DDAH1: variants seen among roughly 807,000 people sequenced by gnomAD.
DDAH1 encodes dimethylarginine dimethylaminohydrolase 1.
In DDAH1, 19 loss-of-function variants were observed where a neutral mutation model predicts 28.8. The observed-to-expected ratio is 0.66, with a 90% CI of 0.46 to 0.97. DDAH1 has a LOEUF of 0.97. Among genes scored for constraint, DDAH1 ranks in the 50% least tolerant of loss-of-function variants. The pLI is 0.00. For missense variants in DDAH1, 326 were observed against 375.9 expected (o/e 0.87, Z 1.10); for synonymous variants, 153 against 154.4 (o/e 0.99, Z 0.07).
At chr1:85,321,768 A>G (rs1393687180) in intron 5 of DDAH1, among the ~76,000 whole-genome samples, 200 bp from the exon 6 acceptor site, 1 of 152,156 alleles carries the variant, frequency 6.6e-6, no homozygotes, top group African/African-American at 2.4e-5. Flanking sequence ...CCTGTGCTTT[A>G]ACCTCAAGGC....
intron 1 of DDAH1, among the ~76,000 whole-genome samples, chr1:85,500,865 A>T (rs1656795379): frequency 6.7e-6 from 1 of 149,258 alleles, no homozygotes; most frequent in African/African-American, 2.5e-5. Flanking sequence ...AAGCTCATTT[A>T]GGGATTTTTT....
chr1:85,318,768 A>T lies in DDAH1; in HGVS notation c.*2684T>A. ...GACATGCAACTCTTTACCTTACATT[A>T]TTCATCTACAGACTATTTTTCTCCC... is the stretch of plus-strand genomic sequence containing the variant. On this transcript the variant is annotated 3_prime_UTR_variant, in exon 6 of 6. Transcript: ENST00000284031. 6.5e-6 allele frequency: 1 copy of T among 152,772 alleles called. No individual in the cohort carries two copies. The highest frequency in any genetic ancestry group is 1.5e-5 in the Non-Finnish European group (1 of 68,044). The allele number at this position is 152,772 out of a possible 1,614,324, so 9.5% of individuals were successfully genotyped here.
At chr1:85,331,128 C>T (rs1184919200) in intron 4 of DDAH1, among the ~76,000 whole-genome samples, 1 of 152,194 alleles carries the variant, frequency 6.6e-6, no homozygotes, top group Non-Finnish European at 1.5e-5. Flanking sequence ...CCAAGAGAAT[C>T]TGCATGGCAA....
chr1:85,321,405 G>C lies in DDAH1; in HGVS notation c.*47C>G, dbSNP rs776771057. On this transcript the variant is annotated 3_prime_UTR_variant, in exon 6 of 6. Coordinates refer to ENST00000284031, the MANE Select transcript of DDAH1 (RefSeq NM_012137.4). ...CAACAGGAGTGGGCACAGAGTCATCGGCCTTGCCTGTGCGGTCTTGCCGGC... is the reference window on the plus strand; with the variant it reads ...CAACAGGAGTGGGCACAGAGTCATCCGCCTTGCCTGTGCGGTCTTGCCGGC... 8.3e-7 allele frequency: 1 copy of C among 1,207,406 alleles called. No individual in the cohort carries two copies. The highest frequency in any genetic ancestry group is 1.2e-6 in the Non-Finnish European group (1 of 810,034). 74.8% of individuals were successfully genotyped at this position (1,207,406 alleles called of 1,614,324 possible).
At chr1:85,421,031 AAG>A (rs1317632671) in intron 1 of DDAH1, among the ~76,000 whole-genome samples, 1 of 152,064 alleles carries the variant, frequency 6.6e-6, no homozygotes, top group East Asian at 1.9e-4. Flanking sequence ...GAAGGAGCAA[AAG>A]AGAGGGAGGG....
At chr1:85,576,816 G>A (rs1051585453) in intron 1 of DDAH1, 1 of 152,660 alleles carries the variant, frequency 6.6e-6, no homozygotes, top group Non-Finnish European at 1.5e-5. Flanking sequence ...GGTGAGGACT[G>A]GGGCCAAACT....
chr1:85,404,749 C>T (rs777992909), intron 1 of DDAH1, among the ~76,000 whole-genome samples: 7 of 152,186 alleles, frequency 4.6e-5, no homozygotes, highest in Non-Finnish European at 7.3e-5. Flanking sequence ...GTCTTTCTCT[C>T]TCTCTCTCAA....
intron 1 of DDAH1, among the ~76,000 whole-genome samples, chr1:85,554,341 A>G (rs975944946): frequency 7.1e-6 from 1 of 140,356 alleles, no homozygotes; most frequent in Non-Finnish European, 1.5e-5. Context: ...AGAGATCAGT[A>G]TCATGTCCTA....
intron 1 of DDAH1, among the ~76,000 whole-genome samples, chr1:85,454,754 T>C (rs1262965212): frequency 6.6e-6 from 1 of 152,232 alleles, no homozygotes; most frequent in East Asian, 1.9e-4. Flanking sequence ...TAAATTGATT[T>C]CATGACCCAC....
intron 1 of DDAH1, among the ~76,000 whole-genome samples, chr1:85,451,990 T>C (rs1269030595): frequency 2.0e-5 from 3 of 152,210 alleles, no homozygotes; most frequent in Admixed American, 2.0e-4. Flanking sequence ...GTAGCATTAA[T>C]GCAGGGGAGT....
At chr1:85,483,661 C>A (rs1229482281) in intron 2 of DDAH1, among the ~76,000 whole-genome samples, 1 of 152,208 alleles carries the variant, frequency 6.6e-6, no homozygotes, top group Non-Finnish European at 1.5e-5. Flanking sequence ...TAAAGCTTCA[C>A]ATCAATTTTG....
At chr1:85,447,338 T>A (rs1426434497) in intron 1 of DDAH1, among the ~76,000 whole-genome samples, 1 of 152,158 alleles carries the variant, frequency 6.6e-6, no homozygotes, top group African/African-American at 2.4e-5. Flanking sequence ...TTAAACATTT[T>A]AAGTTGAGAA....
intron 1 of DDAH1, among the ~76,000 whole-genome samples, chr1:85,571,272 C>T (rs1344693890): frequency 6.6e-6 from 1 of 152,196 alleles, no homozygotes; most frequent in African/African-American, 2.4e-5. Context: ...TTAAGAGGCT[C>T]ACCTGAAAGT....
chr1:85,359,091 T>G (rs1649646833), intron 1 of DDAH1, among the ~76,000 whole-genome samples: 1 of 152,188 alleles, frequency 6.6e-6, no homozygotes, highest in African/African-American at 2.4e-5. Flanking sequence ...GTCAATACAG[T>G]GTCATTTTTT....
At chr1:85,324,662 C>A (rs1647256788) in intron 5 of DDAH1, 78 bp downstream of exon 5, 1 of 1,518,440 alleles carries the variant, frequency 6.6e-7, no homozygotes, top group Non-Finnish European at 9.1e-7. Context: ...AAAGGAGGCT[C>A]CTATTGGTCA....
chr1:85,323,400 G>A (rs750807603), intron 5 of DDAH1, among the ~76,000 whole-genome samples: 4 of 152,086 alleles, frequency 2.6e-5, no homozygotes, highest in Non-Finnish European at 5.9e-5. Flanking sequence ...GGGTAAAATC[G>A]AAATTACTAA....
chr1:85,387,262 A>C (rs1345530849), intron 1 of DDAH1, among the ~76,000 whole-genome samples: 1 of 152,054 alleles, frequency 6.6e-6, no homozygotes, highest in East Asian at 1.9e-4. Context: ...AACTTTCCAA[A>C]ATTTTCTGCT....
intron 1 of DDAH1, among the ~76,000 whole-genome samples, chr1:85,535,988 TG>T (rs1233803730): frequency 1.3e-5 from 2 of 152,210 alleles, no homozygotes; most frequent in Non-Finnish European, 2.9e-5. Context: ...AGGCCGGGTG[TG>T]GTGGCTTGTG....
intron 2 of DDAH1, among the ~76,000 whole-genome samples, chr1:85,492,747 C>T (rs188819070): frequency 1.3e-5 from 2 of 152,166 alleles, no homozygotes; most frequent in East Asian, 1.9e-4. Flanking sequence ...ATAAGTTTAA[C>T]GGAAAGAAAT....
Sources: allele counts gnomAD v4.1 joint callset (sites outside exome capture counted in the v4.1 genomes callset), GRCh38; gene constraint gnomAD v4.1.1; transcripts MANE v1.5; gene names NCBI Gene and HGNC (gene_info 2026-07-23, HGNC 2026-07-21).